The following DHX35 variants were observed in gnomAD, a reference collection of about 807,000 sequenced individuals.
DHX35 encodes DEAH-box helicase 35.
DHX35 carries 84 observed loss-of-function variants against 99.6 expected under a neutral mutation model. That is an observed-to-expected ratio of 0.84 (90% CI 0.71 to 1.01). The LOEUF (loss-of-function observed/expected upper bound fraction) is 1.01. Among genes scored for constraint, DHX35 ranks in the 50% least tolerant of loss-of-function variants. DHX35 has a pLI of 0.00. For synonymous variants in DHX35, 331 were observed against 316.2 expected, an observed-to-expected ratio of 1.05 and a Z score of -0.50; for missense variants, 852 against 888.5, an observed-to-expected ratio of 0.96 and a Z score of 0.52.
intron 13 of DHX35, among the ~76,000 whole-genome samples, chr20:39,012,761 C>G (rs1187522277): frequency 6.6e-6 from 1 of 152,166 alleles, no homozygotes; most frequent in Non-Finnish European, 1.5e-5. Flanking sequence ...GAACGCCTGA[C>G]CTCAGGTGAT....
At position 39,030,965 on chromosome 20, in the gene DHX35, C is replaced by T. The variant is rs201417960; in HGVS notation, c.1955+190C>T. Among the ~76,000 whole-genome samples, 6 of 152,158 alleles carry T rather than the reference C, an allele frequency of 3.9e-5. No homozygotes were observed. In the East Asian group the frequency reaches 1.2e-3, roughly 29 times the overall value. On this transcript the variant is annotated intron_variant, in intron 20 of 21. Transcript: ENST00000252011. The stretch of plus-strand genomic sequence containing the variant: ...GTCACCTGAGGTCAGGAGTTCAAGA[C>T]CAGCCTGGCCAACATGGTGAAACCT...
chr20:39,025,344 A>G lies in DHX35; in HGVS notation c.1786A>G (p.Arg596Gly). 1 of 1,613,778 alleles carries G rather than the reference A, an allele frequency of 6.2e-7. No homozygotes were observed. The highest frequency in any genetic ancestry group is 8.5e-7 in the Non-Finnish European group (1 of 1,179,786). Residue 596 changes from arginine (R) to glycine (G), a missense_variant, in exon 18 of 22, where the codon AGG becomes GGG. Arg to Gly is a moderately radical substitution (Grantham distance 125, BLOSUM62 -2). Coordinates refer to ENST00000252011, the MANE Select transcript of DHX35 (RefSeq NM_021931.4). ...KKLLVKFQVP[R>G]KSSEGDPDLV... ...GCTTCTTGTCAAGTTTCAAGTGCCC[A>G]GGAAGTCTAGTGAAGGTGAGAAGAA...
intron 3 of DHX35, among the ~76,000 whole-genome samples, chr20:38,978,970 C>G (rs2086126478): frequency 6.6e-6 from 1 of 152,078 alleles, no homozygotes; most frequent in Non-Finnish European, 1.5e-5. Flanking sequence ...AAGATGTGTT[C>G]TTGGTGCTTT....
intron 3 of DHX35, chr20:38,978,426 G>T (rs1447794844): frequency 1.6e-6 from 1 of 631,268 alleles, no homozygotes. Context: ...CTTTCATGGG[G>T]TGGTGGCACG....
intron 3 of DHX35, among the ~76,000 whole-genome samples, chr20:38,974,188 G>T (rs953926815): frequency 2.0e-5 from 3 of 152,210 alleles, no homozygotes; most frequent in Non-Finnish European, 4.4e-5. Context: ...TTAGATAAAT[G>T]ATTATATTGA....
At position 39,006,192 on chromosome 20, in the gene DHX35, G is replaced by A. The variant is rs2145904126; in HGVS notation, c.1058G>A (p.Gly353Asp). ...NVAETSITIS[G>D]IVYVIDCGFV... ...GCAGAAACCTCTATCACAATCAGCG[G>A]CATTGTGTATGTGATCGACTGTGGC... is the stretch of plus-strand genomic sequence containing the variant. Residue 353 changes from glycine to aspartate, a missense_variant, in exon 12 of 22, where the codon GGC becomes GAC. Coordinates refer to ENST00000252011, the MANE Select transcript of DHX35 (RefSeq NM_021931.4). The A allele has an allele frequency of 6.2e-7, 1 of 1,614,148 alleles. No individual in the cohort carries two copies.
intron 19 of DHX35, chr20:39,030,423 A>T: frequency 2.5e-6 from 1 of 403,050 alleles, no homozygotes; most frequent in Non-Finnish European, 4.5e-6. Context: ...TGCAGAAGAT[A>T]CACATAAACA....
At chr20:38,975,082 G>C (rs551777951) in intron 3 of DHX35, among the ~76,000 whole-genome samples, 14 of 152,210 alleles carry the variant, frequency 9.2e-5, no homozygotes, top group African/African-American at 2.6e-4. Context: ...GATCTGTGTA[G>C]ATCTTTTTTT....
intron 4 of DHX35, among the ~76,000 whole-genome samples, chr20:38,984,357 T>C (rs1364213916): frequency 1.3e-5 from 2 of 152,200 alleles, no homozygotes; most frequent in East Asian, 1.9e-4. Flanking sequence ...ACATAAACAA[T>C]GTGAACATTT....
At chr20:39,037,467 G>A (rs953845311) in intron 21 of DHX35, among the ~76,000 whole-genome samples, 1 of 152,148 alleles carries the variant, frequency 6.6e-6, no homozygotes, top group South Asian at 2.1e-4. Flanking sequence ...TGTTCGCTCT[G>A]TTGTCTCTCA....
Position 39,010,284 on chromosome 20 carries a change from A to G in DHX35, c.1227A>G (p.Glu409=). 3 of 1,614,118 alleles carry G rather than the reference A, an allele frequency of 1.9e-6. No individual in the cohort carries two copies. The highest frequency in any genetic ancestry group is 2.5e-6 in the Non-Finnish European group (3 of 1,179,994). ...GTTCTGATTTCCTATCCTCAGAGGAAGCCTTTGACAAGTTGCCTCAGTCTA... is the reference window on the plus strand; with the variant it reads ...GTTCTGATTTCCTATCCTCAGAGGAGGCCTTTGACAAGTTGCCTCAGTCTA... ...SGKCYRLYTE[E]AFDKLPQSTV... is the part of the protein sequence containing the mutation. Residue 409 remains glutamate, a synonymous_variant, in exon 13 of 22, where the codon GAA becomes GAG. Transcript: ENST00000252011.
chr20:38,988,859 A>G lies in DHX35; in HGVS notation c.392A>G (p.Glu131Gly). 1 of 1,613,856 alleles carries G rather than the reference A, an allele frequency of 6.2e-7. No homozygotes were observed. The highest frequency in any genetic ancestry group is 8.5e-7 in the Non-Finnish European group (1 of 1,179,856). ...AEERGAVLGH[E>G]VGYCIRFDDC... ...GAAAGGGGTGCAGTGCTGGGCCACGAGGTGGGCTACTGCATCCGCTTTGAT... is the reference window on the plus strand; with the variant it reads ...GAAAGGGGTGCAGTGCTGGGCCACGGGGTGGGCTACTGCATCCGCTTTGAT... The change falls in exon 5 of 22, where the codon GAG (glutamate) becomes GGG (glycine). Residue 131 changes from glutamate (E) to glycine (G), a missense_variant. Transcript: ENST00000252011.
At chr20:39,019,015 A>G in intron 15 of DHX35, 116 bp downstream of exon 15, 1 of 839,000 alleles carries the variant, frequency 1.2e-6, no homozygotes, top group Non-Finnish European at 1.9e-6. Context: ...GTATATATAT[A>G]TCTGTAACAT....
Position 39,005,296 on chromosome 20 carries a change from A to G in DHX35, c.1012-850A>G, listed in dbSNP as rs113292160. 2.3e-3 allele frequency among the ~76,000 whole-genome samples: 351 copies of G among 152,294 alleles called. 2 individuals carry two copies. The highest frequency in any genetic ancestry group is 8.2e-3 in the African/African-American group (342 of 41,556). On this transcript the variant is annotated intron_variant, in intron 11 of 21. Coordinates refer to ENST00000252011, the MANE Select transcript of DHX35 (RefSeq NM_021931.4). ...AATACCTCATGGTGGCCCAGAGACC[A>G]CATATGATTGCATATCTGCCTCCCT...
intron 3 of DHX35, 148 bp downstream of exon 3, chr20:38,972,799 A>G (rs2086022811): frequency 3.3e-6 from 2 of 601,772 alleles, no homozygotes; most frequent in Admixed American, 3.3e-5. Context: ...TTAAACTTTT[A>G]GGGCTTATAA....
intron 14 of DHX35, 76 bp downstream of exon 14, chr20:39,015,010 A>G: frequency 5.2e-6 from 8 of 1,534,724 alleles, no homozygotes; most frequent in Non-Finnish European, 5.4e-6. Flanking sequence ...TATTCACTTT[A>G]GGGATTTTAG....
At chr20:38,991,846 A>AT (rs1194049449) in intron 6 of DHX35, among the ~76,000 whole-genome samples, 3 of 152,096 alleles carry the variant, frequency 2.0e-5, no homozygotes, top group Admixed American at 1.3e-4. Context: ...AGTCCAAATA[A>AT]TTTTTTATCA....
Position 38,980,980 on chromosome 20 carries a change from T to TGGGTTTATG in DHX35, c.268-2718_268-2710dup, listed in dbSNP as rs577150704. Among the ~76,000 whole-genome samples the TGGGTTTATG allele has an allele frequency of 3.2e-4, 49 of 152,320 alleles. 1 individual carries two copies. Among genetic ancestry groups the TGGGTTTATG allele is most frequent in the Middle Eastern group, 6.8e-3 (2 of 294 alleles). On this transcript the variant is annotated intron_variant, in intron 3 of 21. Transcript: ENST00000252011. Reference sequence around the variant, plus strand: ...TTACTTTGTAGAATGTTCCTCAGTTTGGGTTTATGTCATGTTTTCTCATGA... The same window carrying TGGGTTTATG: ...TTACTTTGTAGAATGTTCCTCAGTTTGGGTTTATGGGGTTTATGTCATGTTTTCTCATGA...
intron 5 of DHX35, 26 bp downstream of exon 5, chr20:38,988,943 A>G (rs778687906): frequency 6.2e-6 from 10 of 1,605,658 alleles, no homozygotes; most frequent in Non-Finnish European, 8.5e-6. Flanking sequence ...TGCTTTTCCT[A>G]GTGGAAATAA....
Sources: gnomAD v4.1 joint callset for allele counts (sites outside exome capture counted in the v4.1 genomes callset) on GRCh38, gnomAD v4.1.1 for gene constraint, MANE v1.5 for transcripts, NCBI Gene and HGNC (gene_info 2026-07-23, HGNC 2026-07-21) for gene names.